Variants in PIGQ observed in about 807,000 individuals in gnomAD.
The protein encoded by PIGQ is phosphatidylinositol N-acetylglucosaminyltransferase subunit Q.
Under a neutral mutation model 60.3 loss-of-function variants are expected in PIGQ, and 54 were observed. The ratio of observed to expected loss-of-function variants is 0.90; its 90% confidence interval spans 0.72 to 1.12. PIGQ has a LOEUF of 1.12. PIGQ is among the 50% of genes most tolerant of loss of function. PIGQ has a pLI of 0.00. For missense variants in PIGQ, 799 were observed against 793.5 expected, an observed-to-expected ratio of 1.01 and a Z score of -0.08; for synonymous variants, 416 against 363.7, an observed-to-expected ratio of 1.14 and a Z score of -1.64.
At chr16:571,115 AGCCTGGTGCCCG>A (rs2035614981) in intron 1 of PIGQ, among the ~76,000 whole-genome samples, 5 of 21,924 alleles carry the variant, frequency 2.3e-4, no homozygotes, top group Non-Finnish European at 2.3e-4. Flanking sequence ...GTGTCTGGCT[AGCCTGGTGCCCG>A]TGTGTGTGTG....
rs4984669 is a variant in PIGQ, at chr16:574,713, C to T, written c.639C>T (p.Cys213=). ...CCAGGCGAGCCTCGGGACCCATTTG[C>T]CTGCTGTTGGCCAGCCTGCTGTCGC... is the stretch of plus-strand genomic sequence containing the variant. ...ELARRASGPI[C]LLLASLLSLV... Residue 213 remains cysteine (C), a synonymous_variant, in exon 2 of 11, where the codon TGC becomes TGT. Transcript: ENST00000321878. 713,612 of 1,591,056 alleles carry T rather than the reference C, an allele frequency of 0.45. 164,524 individuals are homozygous for T. Among genetic ancestry groups the T allele is most frequent in the East Asian group, 0.66 (29,516 of 44,518 alleles).
intron 7 of PIGQ, chr16:579,812 C>T (rs2035783752): frequency 7.1e-6 from 1 of 141,496 alleles, no homozygotes; most frequent in African/African-American, 2.7e-5. Context: ...GGCCCGGAGA[C>T]TTGAGGTGCC....
intron 5 of PIGQ, 85 bp downstream of exon 5, chr16:578,590 C>T (rs2035758954): frequency 6.7e-7 from 1 of 1,493,242 alleles, no homozygotes; most frequent in South Asian, 1.2e-5. Context: ...CCCCCTGTGC[C>T]CCCAACTCTG....
chr16:578,738 AG>A (rs1567176576), intron 5 of PIGQ, 46 bp from the exon 6 acceptor site: 1 of 1,596,376 alleles, frequency 6.3e-7, no homozygotes, highest in Non-Finnish European at 8.6e-7. Context: ...TGCTGGGCCG[AG>A]GGCTGGGGTC....
At chr16:582,221 C>G in intron 9 of PIGQ, 27 bp from the exon 10 acceptor site, 6 of 1,520,432 alleles carry the variant, frequency 3.9e-6, no homozygotes, top group Non-Finnish European at 5.3e-6. Flanking sequence ...CACGCGTCCC[C>G]TCGTCAGCCG....
chr16:571,611 C>CATGTGT (rs1491121045), intron 1 of PIGQ, among the ~76,000 whole-genome samples: 3 of 125,034 alleles, frequency 2.4e-5, no homozygotes, highest in Non-Finnish European at 3.3e-5. Context: ...GCCTGGCGCC[C>CATGTGT]GTGTGTGTGT....
At chr16:582,779 G>A in intron 10 of PIGQ, 104 bp from the exon 11 acceptor site, 2 of 1,251,428 alleles carry the variant, frequency 1.6e-6, no homozygotes, top group South Asian at 2.8e-5. Flanking sequence ...GGGAATGTCT[G>A]AGACAGCACT....
rs144325393 is a variant in PIGQ at position 582,282 on chromosome 16, C to T, written c.1566C>T (p.Ala522=). ...AGTTCCGTGTCCTCCGGCACGAGGC[C>T]GGCAGGCCCCTCCGCCTCCTGATGC... ...GVKFRVLRHE[A]GRPLRLLMQI... The change falls in exon 10 of 11, where the codon GCC becomes GCT. Residue 522 remains alanine, a synonymous_variant. Coordinates refer to ENST00000321878, the MANE Select transcript of PIGQ (RefSeq NM_004204.5). The T allele has an allele frequency of 7.5e-6, 12 of 1,605,030 alleles. No individual in the cohort carries two copies. Among genetic ancestry groups the T allele is most frequent in the Admixed American group, 1.7e-5 (1 of 59,690 alleles).
At chr16:582,410 C>A in intron 10 of PIGQ, 101 bp downstream of exon 10, 1 of 849,726 alleles carries the variant, frequency 1.2e-6, no homozygotes, top group Non-Finnish European at 1.8e-6. Flanking sequence ...CGCCAGCCTG[C>A]GATGAGGTAC....
chr16:581,281 G>T (rs1287017578), intron 9 of PIGQ: 13 of 1,340,750 alleles, frequency 9.7e-6, no homozygotes, highest in Middle Eastern at 2.0e-4. Context: ...TGAACTGCAG[G>T]CCAGGGGCCA....
At position 574,418 on chromosome 16, in the gene PIGQ, C is replaced by T; in HGVS notation, c.344C>T (p.Pro115Leu). The change falls in exon 2 of 11, where the codon CCC (proline) becomes CTC (leucine). Residue 115 changes from proline (P) to leucine (L), a missense_variant. Coordinates refer to ENST00000321878, the MANE Select transcript of PIGQ (RefSeq NM_004204.5). Reference sequence around the variant, plus strand: ...TGCGAGGCCACCCACCGGCAAGCGCCCACTGCCCCCGGTGCCCCTGGTGAG... The same window carrying T: ...TGCGAGGCCACCCACCGGCAAGCGCTCACTGCCCCCGGTGCCCCTGGTGAG... ...WSCEATHRQAPTAPGAPGEDQ... is the reference protein window; with the variant it reads ...WSCEATHRQALTAPGAPGEDQ... 1 of 1,610,838 alleles carries T rather than the reference C, an allele frequency of 6.2e-7. No homozygotes were observed. The highest frequency in any genetic ancestry group is 8.5e-7 in the Non-Finnish European group (1 of 1,179,256).
Position 583,029 on chromosome 16 carries a change from G to C in PIGQ, c.1740G>C (p.Gln580His). ...CCTGGAGGCAGAGAGGGGACAAGCA[G>C]GACTGAGGGAACTGCTGGCTCGCCT... ...IYPWRQRGDK[Q>H]D The change falls in exon 11 of 11, where the codon CAG becomes CAC. Residue 580 changes from glutamine (Q) to histidine (H), a missense_variant. Transcript: ENST00000321878. The C allele has an allele frequency of 6.2e-7, 1 of 1,613,124 alleles. No homozygotes were observed. Among genetic ancestry groups the C allele is most frequent in the Non-Finnish European group, 8.5e-7 (1 of 1,179,980 alleles).
intron 8 of PIGQ, 127 bp from the exon 9 acceptor site, chr16:580,731 G>A (rs2035796371): frequency 1.4e-6 from 1 of 692,594 alleles, no homozygotes; most frequent in Admixed American, 2.1e-5. Flanking sequence ...TGCTCAGGGT[G>A]GGGTCCCTGC....
Position 583,070 on chromosome 16 carries a change from C to T in PIGQ, c.*35C>T, listed in dbSNP as rs2035838774. The T allele has an allele frequency of 1.2e-6, 2 of 1,612,812 alleles. No homozygotes were observed. The highest frequency in any genetic ancestry group is 2.2e-5 in the East Asian group (1 of 44,894). ...TGGCTCGCCTGGCACCACCACACGG[C>T]CACAGCCAGCCATCTGCTCTGCCAG... is the stretch of plus-strand genomic sequence containing the variant. On this transcript the variant is annotated 3_prime_UTR_variant, in exon 11 of 11. Transcript: ENST00000321878.
intron 10 of PIGQ, 76 bp downstream of exon 10, chr16:582,385 G>A: frequency 6.2e-6 from 7 of 1,125,722 alleles, no homozygotes; most frequent in Non-Finnish European, 8.9e-6. Flanking sequence ...TGGGTGTAGT[G>A]TCTGGGTGGC....
Position 582,111 on chromosome 16 carries a change from G to A in PIGQ, c.1532-137G>A, listed in dbSNP as rs768672311. Reference sequence around the variant, plus strand: ...AGCTCCAGGAGTTGGGCGACGGAGGGGGCGGGGAGAGCTTCGTGGGTGGCC... The same window carrying A: ...AGCTCCAGGAGTTGGGCGACGGAGGAGGCGGGGAGAGCTTCGTGGGTGGCC... On this transcript the variant is annotated intron_variant, in intron 9 of 10. Transcript: ENST00000321878. 3 of 720,472 alleles carry A rather than the reference G, an allele frequency of 4.2e-6. No homozygotes were observed. The African/African-American group carries it at 5.2e-5, about 13-fold the overall frequency. 44.6% of individuals were successfully genotyped at this position (720,472 alleles called of 1,614,324 possible).
chr16:578,678 C>T (rs1956854601), intron 5 of PIGQ, 107 bp from the exon 6 acceptor site: 19 of 1,469,170 alleles, frequency 1.3e-5, no homozygotes, highest in Non-Finnish European at 1.8e-5. Flanking sequence ...GAGGGCTGAC[C>T]CCACCCTGCC....
Position 574,626 on chromosome 16 carries a change from C to T in PIGQ, c.552C>T (p.Gly184=), listed in dbSNP as rs1596382756. Residue 184 remains glycine (G), a synonymous_variant, in exon 2 of 11, where the codon GGC becomes GGT. Transcript: ENST00000321878. ...TCCGCAGTGACCGCTTTGATGAGGGCCCCGTGCGGCTGAGCCACTGGCAGT... is the reference window on the plus strand; with the variant it reads ...TCCGCAGTGACCGCTTTGATGAGGGTCCCGTGCGGCTGAGCCACTGGCAGT... ...VLFRSDRFDE[G]PVRLSHWQSE... The T allele has an allele frequency of 6.2e-7, 1 of 1,606,692 alleles. No homozygotes were observed. Among genetic ancestry groups the T allele is most frequent in the Non-Finnish European group, 8.5e-7 (1 of 1,177,962 alleles).
In PIGQ at chr16:580,166, C is replaced by T; in HGVS notation, c.1336-17C>T. On this transcript the variant is annotated splice_polypyrimidine_tract_variant and intron_variant, in intron 7 of 10. Transcript: ENST00000321878. ...CGGGGTCCTGCTGATGCCCGGTGTG[C>T]TGGCCCCTCCCTACAGCTGTTCATC... 1 of 1,602,486 alleles carries T rather than the reference C, an allele frequency of 6.2e-7. No homozygotes were observed. The highest frequency in any genetic ancestry group is 8.5e-7 in the Non-Finnish European group (1 of 1,172,876).
Sources: gnomAD v4.1 joint callset for allele counts (sites outside exome capture counted in the v4.1 genomes callset) on GRCh38, gnomAD v4.1.1 for gene constraint, MANE v1.5 for transcripts, NCBI Gene and HGNC (gene_info 2026-07-23, HGNC 2026-07-21) for gene names.